Variants in ALDH9A1 observed in about 807,000 individuals in gnomAD.
ALDH9A1 encodes the protein 4-trimethylaminobutyraldehyde dehydrogenase.
A neutral mutation model predicts 56.6 loss-of-function variants in ALDH9A1; 42 were observed. The observed-to-expected ratio is 0.74, with a 90% CI of 0.58 to 0.96. ALDH9A1 has a LOEUF of 0.96. Among genes scored for constraint, ALDH9A1 ranks in the 40% least tolerant of loss-of-function variants. ALDH9A1 has a pLI of 0.00. For synonymous variants in ALDH9A1, 242 were observed against 236.0 expected, an observed-to-expected ratio of 1.03 and a Z score of -0.23; for missense variants, 661 against 651.5, an observed-to-expected ratio of 1.01 and a Z score of -0.16.
At chr1:165,676,887 T>C (rs1649379762) in intron 6 of ALDH9A1, 1 of 240,870 alleles carries the variant, frequency 4.2e-6, no homozygotes, top group African/African-American at 2.3e-5. Flanking sequence ...TTAAAGCAGA[T>C]TTTAATTGTG....
At chr1:165,698,238 T>TAC in intron 1 of ALDH9A1, 140 bp downstream of exon 1, 1 of 1,392,558 alleles carries the variant, frequency 7.2e-7, no homozygotes, top group African/African-American at 1.5e-5. Context: ...GCTAGTTGCC[T>TAC]ACACACACAA....
chr1:165,682,877 T>C lies in ALDH9A1; in HGVS notation c.457+104A>G, dbSNP rs1649593888. On this transcript the variant is annotated intron_variant, in intron 3 of 10. Coordinates refer to ENST00000354775, the MANE Select transcript of ALDH9A1 (RefSeq NM_000696.4). Reference sequence around the variant, plus strand: ...AGGTAGAAAGTGACAAACCCAAGACTTTCACCCAGGTTTGTCTTAATTCCA... The same window carrying C: ...AGGTAGAAAGTGACAAACCCAAGACCTTCACCCAGGTTTGTCTTAATTCCA... 4.4e-6 allele frequency: 6 copies of C among 1,353,310 alleles called. No homozygotes were observed. In the African/African-American group the frequency reaches 5.8e-5, roughly 13 times the overall value. The allele number at this position is 1,353,310 out of a possible 1,614,324, so 83.8% of individuals were successfully genotyped here.
At position 165,668,980 on chromosome 1, in the gene ALDH9A1, C is replaced by CAT; in HGVS notation, c.1151_1152dup (p.Val385MetfsTer8). 1 of 1,612,006 alleles carries CAT rather than the reference C, an allele frequency of 6.2e-7. No individual in the cohort carries two copies. Among genetic ancestry groups the CAT allele is most frequent in the Non-Finnish European group, 8.5e-7 (1 of 1,178,380 alleles). ...TCCTTTAATTTGGGATCTTCAGGTA[C>CAT]ATATATATCTCCACCACATAACACT... On this transcript the variant is annotated frameshift_variant, in exon 8 of 11. Transcript: ENST00000354775. LOFTEE classifies it high-confidence loss of function.
intron 6 of ALDH9A1, among the ~76,000 whole-genome samples, chr1:165,672,125 A>G (rs114867731): frequency 6.6e-6 from 1 of 152,344 alleles, no homozygotes; most frequent in Non-Finnish European, 1.5e-5. Context: ...TATACCCAAA[A>G]GAACTGAAAG....
intron 7 of ALDH9A1, 109 bp from the exon 8 acceptor site, chr1:165,669,122 CA>C (rs764614261): frequency 1.6e-5 from 21 of 1,313,162 alleles, no homozygotes; most frequent in Non-Finnish European, 2.1e-5. Context: ...AGTGCAGGTA[CA>C]AAGCAGAACA....
At chr1:165,698,338 G>T (rs1378398764) in intron 1 of ALDH9A1, 40 bp downstream of exon 1, 2 of 1,562,844 alleles carry the variant, frequency 1.3e-6, no homozygotes, top group East Asian at 4.6e-5. Flanking sequence ...CGCGCATCCG[G>T]CCCCAGGGCG....
intron 3 of ALDH9A1, chr1:165,682,697 C>G: frequency 2.7e-6 from 1 of 368,000 alleles, no homozygotes; most frequent in South Asian, 6.6e-5. Flanking sequence ...CAAACCGATT[C>G]TTATGAAAAC....
chr1:165,695,165 A>T, intron 2 of ALDH9A1, 87 bp downstream of exon 2: 1 of 1,405,318 alleles, frequency 7.1e-7, no homozygotes, highest in Non-Finnish European at 9.5e-7. Flanking sequence ...GTTACGGCCT[A>T]ATGTTGCAAC....
At chr1:165,681,742 G>A (rs1041964687) in intron 4 of ALDH9A1, among the ~76,000 whole-genome samples, 1 of 152,200 alleles carries the variant, frequency 6.6e-6, no homozygotes, top group African/African-American at 2.4e-5. Flanking sequence ...CTTCGTAAAT[G>A]AAGTCAAACT....
chr1:165,666,055 C>T (rs1161648203), intron 9 of ALDH9A1, among the ~76,000 whole-genome samples: 1 of 152,156 alleles, frequency 6.6e-6, no homozygotes, highest in Non-Finnish European at 1.5e-5. Flanking sequence ...CATATCCATA[C>T]CACGGAATAT....
Position 165,695,290 on chromosome 1 carries a change from G to A in ALDH9A1, c.289C>T (p.Arg97Cys), listed in dbSNP as rs370269292. Reference sequence around the variant, plus strand: ...GCAGCCTCCAAAAGGATTCGGCAACGCTCCATGCCAGATTTTTGACTCCAT... The same window carrying A: ...GCAGCCTCCAAAAGGATTCGGCAACACTCCATGCCAGATTTTTGACTCCAT... ...KIWSQKSGME[R>C]CRILLEAARI... The change falls in exon 2 of 11, where the codon CGT becomes TGT. Residue 97 changes from arginine to cysteine, a missense_variant. By Grantham distance (180) the Arg-to-Cys change is radical. Transcript: ENST00000354775. 4.4e-5 allele frequency: 71 copies of A among 1,611,904 alleles called. 1 individual carries two copies. Among genetic ancestry groups the A allele is most frequent in the South Asian group, 3.9e-4 (35 of 90,734 alleles).
intron 6 of ALDH9A1, among the ~76,000 whole-genome samples, chr1:165,679,062 C>T (rs1004245341): frequency 1.3e-5 from 2 of 152,178 alleles, no homozygotes; most frequent in East Asian, 3.8e-4. Context: ...TGAGTAAGGG[C>T]TATAGATTCA....
Position 165,662,785 on chromosome 1 carries a change from A to G in ALDH9A1, c.*265T>C. On this transcript the variant is annotated 3_prime_UTR_variant, in exon 11 of 11. Transcript: ENST00000354775. ...CCTAGTCTCTTTTCCTGTTCTCTAG[A>G]AGTATGTTACTGGCTCTTAAAAGAT... is the stretch of plus-strand genomic sequence containing the variant. The G allele has an allele frequency of 2.3e-6, 1 of 432,232 alleles. No homozygotes were observed. The highest frequency in any genetic ancestry group is 2.7e-5 in the South Asian group (1 of 37,018). The allele number at this position is 432,232 out of a possible 1,614,324, so 26.8% of individuals were successfully genotyped here.
chr1:165,695,850 T>C (rs145194038), intron 1 of ALDH9A1, among the ~76,000 whole-genome samples: 4 of 151,522 alleles, frequency 2.6e-5, no homozygotes, highest in South Asian at 2.1e-4. Context: ...GGTTTTTTTG[T>C]TTTGTTTTTT....
chr1:165,683,051 C>A lies in ALDH9A1; in HGVS notation c.387G>T (p.Glu129Asp). The A allele has an allele frequency of 6.2e-7, 1 of 1,614,068 alleles. No homozygotes were observed. Among genetic ancestry groups the A allele is most frequent in the Non-Finnish European group, 8.5e-7 (1 of 1,179,992 alleles). ...ECINNGKSIFEARLDIDISWQ... is the reference protein window; with the variant it reads ...ECINNGKSIFDARLDIDISWQ... ...AGGAAATGTCAATGTCCAAGCGGGC[C>A]TCAAAGATGGACTTGCCATTGTTGA... Residue 129 changes from glutamate to aspartate, a missense_variant, in exon 3 of 11, where the codon GAG becomes GAT. By Grantham distance (45) the Glu-to-Asp change is conservative. Coordinates refer to ENST00000354775, the MANE Select transcript of ALDH9A1 (RefSeq NM_000696.4).
In ALDH9A1 at chr1:165,680,670, G is replaced by C; in HGVS notation, c.606C>G (p.Val202=). ...APALACGNAM[V]FKPSPFTPVS... ...CAGGTGTAAAGGGAGAAGGTTTAAAGACCATGGCATTACCTGCATAAACCC... is the reference window on the plus strand; with the variant it reads ...CAGGTGTAAAGGGAGAAGGTTTAAACACCATGGCATTACCTGCATAAACCC... The change falls in exon 5 of 11, where the codon GTC becomes GTG. Residue 202 remains valine (V), a synonymous_variant. Coordinates refer to ENST00000354775, the MANE Select transcript of ALDH9A1 (RefSeq NM_000696.4). The C allele has an allele frequency of 6.2e-7, 1 of 1,610,166 alleles. No homozygotes were observed. Among genetic ancestry groups the C allele is most frequent in the Admixed American group, 1.7e-5 (1 of 58,800 alleles).
At chr1:165,667,244 A>G in intron 9 of ALDH9A1, 65 bp downstream of exon 9, 1 of 1,587,830 alleles carries the variant, frequency 6.3e-7, no homozygotes, top group Non-Finnish European at 8.6e-7. Context: ...GGATCAATTA[A>G]ATATCTAAGC....
chr1:165,694,875 G>A (rs1650015625), intron 2 of ALDH9A1, among the ~76,000 whole-genome samples: 1 of 151,462 alleles, frequency 6.6e-6, no homozygotes, highest in South Asian at 2.1e-4. Flanking sequence ...AGAATTGCTT[G>A]AGCCCGGGAG....
chr1:165,677,564 A>G (rs1010719403), intron 6 of ALDH9A1, among the ~76,000 whole-genome samples: 1 of 152,020 alleles, frequency 6.6e-6, no homozygotes, highest in East Asian at 1.9e-4. Flanking sequence ...TTTAGCATCA[A>G]AATAAATAAT....
Sources: gnomAD v4.1 joint callset for allele counts (sites outside exome capture counted in the v4.1 genomes callset) on GRCh38, gnomAD v4.1.1 for gene constraint, MANE v1.5 for transcripts, NCBI Gene and HGNC (gene_info 2026-07-23, HGNC 2026-07-21) for gene names.